The following HPSE2 variants were observed in gnomAD, a reference collection of about 807,000 sequenced individuals.
HPSE2 encodes the protein inactive heparanase-2.
Under a neutral mutation model 60.5 loss-of-function variants are expected in HPSE2, and 38 were observed. The ratio of observed to expected loss-of-function variants is 0.63; its 90% confidence interval spans 0.48 to 0.82. The LOEUF is 0.82. HPSE2 is among the 40% of genes least tolerant of loss of function. HPSE2 has a pLI of 0.00. For synonymous variants in HPSE2, 295 were observed against 293.2 expected (o/e 1.01, Z -0.06); for missense variants, 713 against 740.4 (o/e 0.96, Z 0.43).
intron 2 of HPSE2, among the ~76,000 whole-genome samples, chr10:99,163,977 C>T (rs1846952756): frequency 6.6e-6 from 1 of 151,712 alleles, no homozygotes; most frequent in South Asian, 2.1e-4. Context: ...TGGGTTTCTC[C>T]ATACAACGTT....
chr10:99,022,098 G>A (rs957991051), intron 3 of HPSE2, among the ~76,000 whole-genome samples: 2 of 135,312 alleles, frequency 1.5e-5, no homozygotes, highest in Non-Finnish European at 3.0e-5. Flanking sequence ...GCACTGAAGA[G>A]ATAGAAAATA....
chr10:98,503,153 A>G lies in HPSE2; in HGVS notation c.1321-12957T>C, dbSNP rs560826451. On this transcript the variant is annotated intron_variant, in intron 9 of 11. Coordinates refer to ENST00000370552, the MANE Select transcript of HPSE2 (RefSeq NM_021828.5). ...CTGGAACCCGGGAGGTGGAGGTTGC[A>G]GTGAGCCAAGATCGCGCCATTGCAC... 2.6e-5 allele frequency among the ~76,000 whole-genome samples: 4 copies of G among 151,496 alleles called. No homozygotes were observed. In the East Asian group the frequency reaches 7.8e-4, roughly 29 times the overall value.
At chr10:98,633,731 G>A (rs1946425059) in intron 7 of HPSE2, among the ~76,000 whole-genome samples, 1 of 152,142 alleles carries the variant, frequency 6.6e-6, no homozygotes. Flanking sequence ...TTTCGACTAT[G>A]CAAGGGAGTC....
intron 9 of HPSE2, among the ~76,000 whole-genome samples, chr10:98,526,596 C>T (rs1942974444): frequency 6.6e-6 from 1 of 152,166 alleles, no homozygotes; most frequent in African/African-American, 2.4e-5. Context: ...ATACAGAGAA[C>T]ATTGTTTCTA....
intron 3 of HPSE2, chr10:99,047,642 G>C (rs1957886689): frequency 1.4e-6 from 1 of 713,514 alleles, no homozygotes; most frequent in Non-Finnish European, 2.5e-6. Context: ...TGGAACCATG[G>C]ATGGTGTAGA....
At chr10:98,756,150 T>C (rs1176461787) in intron 3 of HPSE2, among the ~76,000 whole-genome samples, 1 of 151,992 alleles carries the variant, frequency 6.6e-6, no homozygotes, top group Non-Finnish European at 1.5e-5. Context: ...TACAACATAC[T>C]AGAATCTCGG....
chr10:99,249,520 T>C, the HPSE2 span, among the ~76,000 whole-genome samples: 2 of 152,220 alleles, frequency 1.3e-5, no homozygotes, highest in Non-Finnish European at 2.9e-5. Flanking sequence ...GTTTTTGATT[T>C]TACAGGCTCA....
chr10:99,230,704 C>T (rs778285491), intron 2 of HPSE2, among the ~76,000 whole-genome samples: 4 of 152,100 alleles, frequency 2.6e-5, no homozygotes, highest in Non-Finnish European at 5.9e-5. Context: ...TTGGGAGAAA[C>T]AGACCAATTT....
chr10:99,005,370 A>C (rs902390491), intron 3 of HPSE2, among the ~76,000 whole-genome samples: 5 of 152,020 alleles, frequency 3.3e-5, no homozygotes, highest in African/African-American at 1.2e-4. Flanking sequence ...ATTCGACTAC[A>C]TATTTTCAAA....
chr10:98,603,580 C>T (rs2133948652), intron 9 of HPSE2, among the ~76,000 whole-genome samples: 1 of 152,076 alleles, frequency 6.6e-6, no homozygotes, highest in Admixed American at 6.5e-5. Flanking sequence ...CAGGCACACA[C>T]CACCATGCCA....
At chr10:99,031,272 G>A (rs776102751) in intron 3 of HPSE2, among the ~76,000 whole-genome samples, 1 of 151,952 alleles carries the variant, frequency 6.6e-6, no homozygotes, top group Non-Finnish European at 1.5e-5. Flanking sequence ...TACCTACCAT[G>A]TACCCACAAA....
At chr10:98,785,761 T>A (rs1303059785) in intron 3 of HPSE2, among the ~76,000 whole-genome samples, 1 of 63,686 alleles carries the variant, frequency 1.6e-5, no homozygotes, top group Non-Finnish European at 2.9e-5. Context: ...CTGATGGTAG[T>A]TTGTATTTCT....
chr10:98,801,678 G>GA (rs1194133298), intron 3 of HPSE2, among the ~76,000 whole-genome samples: 1 of 151,726 alleles, frequency 6.6e-6, no homozygotes, highest in Non-Finnish European at 1.5e-5. Context: ...AAACACTGAT[G>GA]AAAAAAATGG....
intron 2 of HPSE2, among the ~76,000 whole-genome samples, chr10:99,169,552 C>T (rs1847229564): frequency 1.7e-5 from 2 of 119,032 alleles, no homozygotes; most frequent in Admixed American, 1.9e-4. Flanking sequence ...AAAAAAAAGT[C>T]CTGACCCATT....
chr10:99,053,079 A>C (rs1958027196), intron 3 of HPSE2, among the ~76,000 whole-genome samples: 1 of 151,964 alleles, frequency 6.6e-6, no homozygotes, highest in South Asian at 2.1e-4. Context: ...AACACTACTA[A>C]ACTATACACT....
At chr10:98,591,465 C>T (rs1945088671) in intron 9 of HPSE2, among the ~76,000 whole-genome samples, 1 of 152,110 alleles carries the variant, frequency 6.6e-6, no homozygotes, top group Non-Finnish European at 1.5e-5. Context: ...GAGTTCGAGA[C>T]CAGCCTGGGC....
At chr10:98,638,135 CT>C (rs1946545331) in intron 7 of HPSE2, among the ~76,000 whole-genome samples, 1 of 47,564 alleles carries the variant, frequency 2.1e-5, no homozygotes, top group African/African-American at 9.8e-5. Context: ...TGAGACCCAT[CT>C]CAAAAAAAAA....
At chr10:98,493,565 T>C (rs1351559904) in intron 9 of HPSE2, among the ~76,000 whole-genome samples, 2 of 152,194 alleles carry the variant, frequency 1.3e-5, no homozygotes, top group East Asian at 3.8e-4. Context: ...TCTTATAATC[T>C]TTTAAAATTT....
At chr10:98,762,939 C>T (rs937708445) in intron 3 of HPSE2, among the ~76,000 whole-genome samples, 19 of 152,118 alleles carry the variant, frequency 1.2e-4, no homozygotes, top group African/African-American at 4.6e-4. Flanking sequence ...CCAGTATAGC[C>T]ATCACCCATG....
Sources: gnomAD v4.1 joint callset for allele counts (sites outside exome capture counted in the v4.1 genomes callset) on GRCh38, gnomAD v4.1.1 for gene constraint, MANE v1.5 for transcripts, NCBI Gene and HGNC (gene_info 2026-07-23, HGNC 2026-07-21) for gene names.